The following TNNT1 variants were observed in gnomAD, a reference collection of about 807,000 sequenced individuals.
TNNT1 encodes the protein troponin T, slow skeletal muscle.
TNNT1 carries 53 observed loss-of-function variants against 50.6 expected under a neutral mutation model. The observed-to-expected ratio is 1.05, with a 90% CI of 0.84 to 1.32. TNNT1 has a LOEUF of 1.32. TNNT1 is among the 40% of genes most tolerant of loss of function. The pLI, the probability that TNNT1 is intolerant of heterozygous loss-of-function variation, is 0.00. For missense variants in TNNT1, 348 were observed against 381.7 expected, an observed-to-expected ratio of 0.91 and a Z score of 0.74; for synonymous variants, 142 against 138.0, an observed-to-expected ratio of 1.03 and a Z score of -0.20.
rs747183274 is a variant in TNNT1 at position 55,147,146 on chromosome 19, G to C, written c.12C>G (p.Thr4=). 4.3e-6 allele frequency: 7 copies of C among 1,613,636 alleles called. No individual in the cohort carries two copies. The highest frequency in any genetic ancestry group is 1.7e-5 in the Admixed American group (1 of 59,952). Residue 4 remains threonine, a synonymous_variant, in exon 2 of 14, where the codon ACC becomes ACG. Transcript: ENST00000588981. MSD[T]EEQEYEEEQP... ...CTCACTCCTCATATTCCTGCTCCTC[G>C]GTGTCCGACATCCTGGTGCGGCCTA...
chr19:55,133,955 A>T, intron 12 of TNNT1, 28 bp from the exon 13 acceptor site: 1 of 1,608,574 alleles, frequency 6.2e-7, no homozygotes, highest in Non-Finnish European at 8.5e-7. Context: ...AGATGCTGGG[A>T]CAGCCGGTGG....
At chr19:55,141,467 G>C (rs1019785473) in intron 7 of TNNT1, among the ~76,000 whole-genome samples, 165 bp from the exon 8 acceptor site, 12 of 151,742 alleles carry the variant, frequency 7.9e-5, no homozygotes, top group African/African-American at 2.7e-4. Context: ...CCAAGGACAG[G>C]CTTCCCAAAG....
Position 55,137,182 on chromosome 19 carries a change from C to T in TNNT1, c.532G>A (p.Gly178Arg). ...AEQKRGKRQT[G>R]REMKVRILSE... ...AGGATGCGCACCTTCATCTCCCGCCCCGTCTGCCGCTTACCACGCTTCTGT... is the reference window on the plus strand; with the variant it reads ...AGGATGCGCACCTTCATCTCCCGCCTCGTCTGCCGCTTACCACGCTTCTGT... The change falls in exon 11 of 14, where the codon GGG (glycine) becomes AGG (arginine). Residue 178 changes from glycine (G) to arginine (R), a missense_variant. Gly to Arg is a moderately radical substitution (Grantham distance 125). Around this residue, in one of 3 missense-constraint regions of TNNT1, gnomAD observed 253 missense variants for 291.8 expected, o/e 0.87. Coordinates refer to ENST00000588981, the MANE Select transcript of TNNT1 (RefSeq NM_003283.6). The T allele has an allele frequency of 6.2e-7, 1 of 1,613,682 alleles. No individual in the cohort carries two copies.
chr19:55,146,641 C>A, intron 4 of TNNT1, 40 bp downstream of exon 4: 1 of 1,355,050 alleles, frequency 7.4e-7, no homozygotes, highest in Non-Finnish European at 9.9e-7. Context: ...CCCCGCCCCC[C>A]CACCCCCCAG....
chr19:55,132,719 T>C lies in TNNT1; in HGVS notation c.*196A>G, dbSNP rs1293600571. On this transcript the variant is annotated 3_prime_UTR_variant, in exon 14 of 14. Transcript: ENST00000588981. ...TGTGTGAAGGTTCAGCCTGCCGTAC[T>C]TTAATGATTATTGGTGACACTCTTT... is the stretch of plus-strand genomic sequence containing the variant. The C allele has an allele frequency of 9.5e-6, 6 of 629,794 alleles. No individual in the cohort carries two copies. Among genetic ancestry groups the C allele is most frequent in the Non-Finnish European group, 1.7e-5 (6 of 352,668 alleles). 39.0% of individuals were successfully genotyped at this position (629,794 alleles called of 1,614,324 possible).
rs2085566692 is a variant in TNNT1, at chr19:55,146,897, C to T, written c.46+111G>A. 5 of 1,395,874 alleles carry T rather than the reference C, an allele frequency of 3.6e-6. No homozygotes were observed. The Admixed American group carries it at 1.2e-4, about 34-fold the overall frequency. 86.5% of individuals were successfully genotyped at this position (1,395,874 alleles called of 1,614,324 possible). A position where few individuals can be genotyped will look rare whatever the true frequency, so the allele number is the denominator to read the frequency against. ...CAGACCCGGAGAGGGCGGGCGAGGGCCCGAGGGCTGAGCCGCCCCTTCCCC... is the reference window on the plus strand; with the variant it reads ...CAGACCCGGAGAGGGCGGGCGAGGGTCCGAGGGCTGAGCCGCCCCTTCCCC... On this transcript the variant is annotated intron_variant, in intron 3 of 13. Coordinates refer to ENST00000588981, the MANE Select transcript of TNNT1 (RefSeq NM_003283.6).
chr19:55,133,791 G>A, intron 13 of TNNT1, 96 bp downstream of exon 13: 1 of 1,400,452 alleles, frequency 7.1e-7, no homozygotes. Context: ...AGAAACTCAG[G>A]CAGTGGGGGA....
rs1050413432 is a variant in TNNT1 at position 55,141,187 on chromosome 19, A to G, written c.308T>C (p.Ile103Thr). The G allele has an allele frequency of 8.7e-6, 14 of 1,613,482 alleles. No homozygotes were observed. Among genetic ancestry groups the G allele is most frequent in the Non-Finnish European group, 1.2e-5 (14 of 1,179,496 alleles). The change falls in exon 8 of 14, where the codon ATT (isoleucine) becomes ACT (threonine). Residue 103 changes from isoleucine (I) to threonine (T), a missense_variant and splice_region_variant. Transcript: ENST00000588981. ...EEELVALKER[I>T]ERRRSERAEQ... Reference sequence around the variant, plus strand: ...GGGGAACCCGGACTCTCGGCTCACAATGCGCTCCTTCAAGGCAACCAGCTC... The same window carrying G: ...GGGGAACCCGGACTCTCGGCTCACAGTGCGCTCCTTCAAGGCAACCAGCTC...
intron 11 of TNNT1, among the ~76,000 whole-genome samples, chr19:55,135,820 C>T (rs1275297983): frequency 6.6e-6 from 1 of 152,120 alleles, no homozygotes; most frequent in Non-Finnish European, 1.5e-5. Context: ...CGCGCCCGCC[C>T]GGCCAACAAT....
chr19:55,136,215 C>G (rs550539061), intron 11 of TNNT1, among the ~76,000 whole-genome samples: 1 of 152,056 alleles, frequency 6.6e-6, no homozygotes, highest in Non-Finnish European at 1.5e-5. Flanking sequence ...TAGTATCTAC[C>G]TCACAGGGTT....
chr19:55,145,237 A>AG (rs1243948072), intron 6 of TNNT1, among the ~76,000 whole-genome samples: 3 of 151,432 alleles, frequency 2.0e-5, no homozygotes, highest in African/African-American at 7.3e-5. Flanking sequence ...ATGTTGAGGC[A>AG]GTGGGCCAGG....
At chr19:55,133,591 T>C in intron 13 of TNNT1, 1 of 485,616 alleles carries the variant, frequency 2.1e-6, no homozygotes, top group South Asian at 2.2e-5. Flanking sequence ...GGCAGGAGAA[T>C]CGCTTGAACC....
Position 55,142,673 on chromosome 19 carries a change from G to A in TNNT1, c.129-753C>T, listed in dbSNP as rs148577835. On this transcript the variant is annotated intron_variant, in intron 6 of 13. Transcript: ENST00000588981. ...AGCGATTCTCCTGCCTCAGCTTCCC[G>A]AGTAGTTGGGATTACAGGCGCCTGC... Among the ~76,000 whole-genome samples the A allele has an allele frequency of 2.2e-3, 325 of 151,082 alleles. 1 individual carries two copies. Among genetic ancestry groups the A allele is most frequent in the African/African-American group, 7.7e-3 (316 of 41,238 alleles).
In TNNT1 at chr19:55,146,607, G is replaced by GC; in HGVS notation, c.73+73dup. 3 of 701,808 alleles carry GC rather than the reference G, an allele frequency of 4.3e-6. No individual in the cohort carries two copies. The South Asian group carries it at 6.0e-5, about 14-fold the overall frequency. 43.5% of individuals were successfully genotyped at this position (701,808 alleles called of 1,614,324 possible). A position where few individuals can be genotyped will look rare whatever the true frequency, so the allele number is the denominator to read the frequency against. ...CCGAGGCCGTCGGGAGCCCCATCCC[G>GC]CCCCCTCCTCCCGGGCCCAGCGTCC... On this transcript the variant is annotated intron_variant, in intron 4 of 13. Coordinates refer to ENST00000588981, the MANE Select transcript of TNNT1 (RefSeq NM_003283.6).
chr19:55,136,262 A>AT (rs2085344571), intron 11 of TNNT1, among the ~76,000 whole-genome samples: 1 of 151,886 alleles, frequency 6.6e-6, no homozygotes, highest in Non-Finnish European at 1.5e-5. Flanking sequence ...TGTAATTATT[A>AT]TTTTTTTAAG....
At chr19:55,147,714 A>G (rs565616473) in intron 1 of TNNT1, among the ~76,000 whole-genome samples, 3,039 of 22,232 alleles carry the variant, frequency 0.14, 185 homozygotes, top group African/African-American at 0.3. Context: ...AGGAGGGGCC[A>G]GGGGCCTGGA....
intron 10 of TNNT1, 151 bp from the exon 11 acceptor site, chr19:55,137,363 C>T: frequency 1.6e-6 from 1 of 638,384 alleles, no homozygotes; most frequent in South Asian, 1.8e-5. Flanking sequence ...CCTAGGAGTC[C>T]AGCCCCACTC....
At chr19:55,147,763 G>A (rs113394885) in intron 1 of TNNT1, among the ~76,000 whole-genome samples, 6,821 of 75,770 alleles carry the variant, frequency 0.09, 328 homozygotes, top group Non-Finnish European at 0.13. Context: ...GGGCCTGGAC[G>A]CCTGGGTCTG....
chr19:55,138,047 C>G lies in TNNT1; in HGVS notation c.415G>C (p.Glu139Gln), dbSNP rs1250741190. ...AEEKMRKEEE[E>Q]AKKRAEDDAK... Reference sequence around the variant, plus strand: ...TCATCCTCTGCCCGCTTCTTGGCCTCTTCCTCTTCCTTCCTCATCTTCTCC... The same window carrying G: ...TCATCCTCTGCCCGCTTCTTGGCCTGTTCCTCTTCCTTCCTCATCTTCTCC... Residue 139 changes from glutamate to glutamine, a missense_variant, in exon 10 of 14, where the codon GAG becomes CAG. By Grantham distance (29) the Glu-to-Gln change is conservative. This residue lies in a region of TNNT1 where 253 missense variants were observed against 291.8 expected (regional missense o/e 0.87). Transcript: ENST00000588981. 2.5e-6 allele frequency: 4 copies of G among 1,614,082 alleles called. No individual in the cohort carries two copies. Among genetic ancestry groups the G allele is most frequent in the Non-Finnish European group, 3.4e-6 (4 of 1,180,050 alleles).
Sources: gnomAD v4.1 joint callset for allele counts (sites outside exome capture counted in the v4.1 genomes callset) on GRCh38, gnomAD v4.1.1 for gene constraint, gnomAD v4.1.1 regional missense constraint, MANE v1.5 for transcripts, NCBI Gene and HGNC (gene_info 2026-07-23, HGNC 2026-07-21) for gene names.